UPF2: variants seen among roughly 807,000 people sequenced by gnomAD.
UPF2 encodes regulator of nonsense transcripts 2.
In UPF2, 17 loss-of-function variants were observed where a neutral mutation model predicts 141.4. The observed-to-expected ratio is 0.12, with a 90% CI of 0.08 to 0.18. The LOEUF is 0.18. Ranked by LOEUF, UPF2 falls within the 10% of genes least tolerant of loss-of-function variation. The pLI, the probability that UPF2 is intolerant of heterozygous loss-of-function variation, is 1.00. For missense variants in UPF2, 1,152 were observed against 1,515.9 expected (o/e 0.76, Z 3.99); for synonymous variants, 540 against 498.0 (o/e 1.08, Z -1.12).
intron 3 of UPF2, among the ~76,000 whole-genome samples, chr10:12,028,222 G>C (rs534047986): frequency 1.3e-5 from 2 of 152,210 alleles, no homozygotes; most frequent in South Asian, 4.1e-4. Context: ...CTACAAATGA[G>C]TTTTGTAGTT....
At chr10:11,925,631 T>TGCAGAAATACCATAAGTCATGCA (rs1832702788) in intron 21 of UPF2, among the ~76,000 whole-genome samples, 1 of 152,238 alleles carries the variant, frequency 6.6e-6, no homozygotes, top group African/African-American at 2.4e-5. Context: ...GGACAAGGTC[T>TGCAGAAATACCATAAGTCATGCA]GCAGAAATAC....
In UPF2 at chr10:11,955,456, C is replaced by T; in HGVS notation, c.2626G>A (p.Gly876Arg). The T allele has an allele frequency of 6.2e-7, 1 of 1,614,024 alleles. No individual in the cohort carries two copies. Among genetic ancestry groups the T allele is most frequent in the Non-Finnish European group, 8.5e-7 (1 of 1,179,980 alleles). The change falls in exon 14 of 22, where the codon GGA becomes AGA. Residue 876 changes from glycine (G) to arginine (R), a missense_variant. Coordinates refer to ENST00000357604, the MANE Select transcript of UPF2 (RefSeq NM_015542.4). ...QRRISSAKFL[G>R]ELYNYRMVES... is the part of the protein sequence containing the mutation. ...ACCATTCGGTAATTGTAAAGTTCTC[C>T]TAAGAACTTGGCACTGCTGATGCGC...
intron 9 of UPF2, among the ~76,000 whole-genome samples, chr10:11,969,795 A>C (rs916488374): frequency 6.6e-6 from 1 of 152,224 alleles, no homozygotes; most frequent in African/African-American, 2.4e-5. Context: ...ACTGCCTGTT[A>C]CTTAACCTGT....
intron 9 of UPF2, among the ~76,000 whole-genome samples, chr10:11,969,969 T>C (rs887232977): frequency 1.3e-5 from 2 of 152,226 alleles, no homozygotes; most frequent in African/African-American, 2.4e-5. Flanking sequence ...CTCTAATACA[T>C]GGGCACTAAA....
At chr10:11,978,145 A>T (rs1346657540) in intron 9 of UPF2, among the ~76,000 whole-genome samples, 2 of 152,232 alleles carry the variant, frequency 1.3e-5, no homozygotes, top group Admixed American at 6.5e-5. Flanking sequence ...CCTCAACTAC[A>T]TCGTGAGTTC....
At chr10:11,938,878 T>TG (rs1832899761) in intron 18 of UPF2, among the ~76,000 whole-genome samples, 1 of 116,616 alleles carries the variant, frequency 8.6e-6, no homozygotes, top group Non-Finnish European at 1.7e-5. Context: ...TTTTTTTTTT[T>TG]TTTTGGAGAC....
chr10:12,015,221 A>G (rs905447069), intron 3 of UPF2, among the ~76,000 whole-genome samples: 2 of 152,140 alleles, frequency 1.3e-5, no homozygotes, highest in Non-Finnish European at 2.9e-5. Context: ...ATTTCTTGTT[A>G]TTTGCGTTTT....
rs537902999 is a variant in UPF2, at chr10:11,959,480, C to T, written c.2185-124G>A. ...ATGGGTTAGAAAGGCAAAGAAAGGA[C>T]TGGGCACTGTGGCTCACACCTATAA... On this transcript the variant is annotated intron_variant, in intron 11 of 21. Transcript: ENST00000357604. The surrounding 1 kb of genome is among the most constrained non-coding windows in gnomAD (Gnocchi z 5.9). The T allele has an allele frequency of 9.6e-6, 10 of 1,042,504 alleles. No homozygotes were observed. In the African/African-American group the frequency reaches 1.6e-4, roughly 17 times the overall value. The allele number at this position is 1,042,504 out of a possible 1,614,324, so 64.6% of individuals were successfully genotyped here.
chr10:12,028,534 T>C (rs1834459696), intron 3 of UPF2, among the ~76,000 whole-genome samples: 1 of 152,184 alleles, frequency 6.6e-6, no homozygotes, highest in African/African-American at 2.4e-5. Flanking sequence ...ACTTGGCAGA[T>C]TTTTTTAAAA....
intron 3 of UPF2, among the ~76,000 whole-genome samples, chr10:12,027,816 C>T (rs1351330878): frequency 1.3e-5 from 2 of 152,198 alleles, no homozygotes; most frequent in African/African-American, 2.4e-5. Flanking sequence ...ACTTAAACCA[C>T]TCCTCCCCTA....
intron 21 of UPF2, chr10:11,923,338 A>T (rs1440024134): frequency 6.6e-6 from 1 of 152,214 alleles, no homozygotes; most frequent in Non-Finnish European, 1.5e-5. Context: ...TGAGGTCAGG[A>T]GTTTTGGAGA....
intron 10 of UPF2, among the ~76,000 whole-genome samples, chr10:11,964,332 A>C (rs1229098857): frequency 6.6e-6 from 1 of 152,198 alleles, no homozygotes; most frequent in Non-Finnish European, 1.5e-5. Flanking sequence ...TCACAGAAAG[A>C]TATGTGGAAA....
Position 12,029,119 on chromosome 10 carries a change from A to C in UPF2, c.771T>G (p.Pro257=), listed in dbSNP as rs1298145292. 6.2e-7 allele frequency: 1 copy of C among 1,614,242 alleles called. No homozygotes were observed. Among genetic ancestry groups the C allele is most frequent in the African/African-American group, 1.3e-5 (1 of 75,074 alleles). Reference sequence around the variant, plus strand: ...AATCAGTTCTTAACTTGGTGATGTTAGGTGTTTTCTCCTCTTTCCTTGCTT... The same window carrying C: ...AATCAGTTCTTAACTTGGTGATGTTCGGTGTTTTCTCCTCTTTCCTTGCTT... ...HFEARKEEKT[P]NITKLRTDLR... is the part of the protein sequence containing the mutation. Residue 257 remains proline, a synonymous_variant, in exon 3 of 22, where the codon CCT becomes CCG. Coordinates refer to ENST00000357604, the MANE Select transcript of UPF2 (RefSeq NM_015542.4).
At chr10:11,993,863 C>A (rs73573531) in intron 8 of UPF2, among the ~76,000 whole-genome samples, 332 of 152,112 alleles carry the variant, frequency 2.2e-3, no homozygotes, top group African/African-American at 7.6e-3. Flanking sequence ...GTGGTTCATG[C>A]CTGTGGTCCC....
chr10:11,998,777 C>A lies in UPF2; in HGVS notation c.1759-1020G>T, dbSNP rs535803373. On this transcript the variant is annotated intron_variant, in intron 7 of 21. Transcript: ENST00000357604. This position sits in a 1 kb window ranked among gnomAD's most constrained non-coding sequence, Gnocchi z 4.5. ...GCTGAGGCAGGAGAATGGCGTGAAC[C>A]CGGGAGGCGGAGCTTGCAGTGAGCC... Among the ~76,000 whole-genome samples, 22 of 152,166 alleles carry A rather than the reference C, an allele frequency of 1.4e-4. 1 individual carries two copies. In the East Asian group the frequency reaches 4.1e-3, roughly 28 times the overall value.
At chr10:12,038,707 C>G (rs546058862) in intron 1 of UPF2, among the ~76,000 whole-genome samples, 2 of 151,656 alleles carry the variant, frequency 1.3e-5, no homozygotes, top group Non-Finnish European at 1.5e-5. Context: ...CCAGTCTGGG[C>G]AAAAGACGGA....
At chr10:11,938,360 C>T (rs984396833) in intron 18 of UPF2, among the ~76,000 whole-genome samples, 2 of 151,964 alleles carry the variant, frequency 1.3e-5, no homozygotes, top group Non-Finnish European at 2.9e-5. Flanking sequence ...CACAATGTGA[C>T]ATCTTTGTAT....
intron 11 of UPF2, among the ~76,000 whole-genome samples, chr10:11,963,353 T>C (rs766621253): frequency 5.9e-5 from 9 of 152,182 alleles, no homozygotes; most frequent in Non-Finnish European, 1.2e-4. Flanking sequence ...CATTCATTCA[T>C]TCGAGACAGG....
In UPF2 at chr10:11,954,539, C is replaced by T. The variant is rs181612290; in HGVS notation, c.2850+693G>A. On this transcript the variant is annotated intron_variant, in intron 14 of 21. Coordinates refer to ENST00000357604, the MANE Select transcript of UPF2 (RefSeq NM_015542.4). ...ATCCCAGGTACTCTGGAGGCTGAGG[C>T]AGGAGAATTGCTTGAACCTGAGAGG... Among the ~76,000 whole-genome samples, 191 of 150,844 alleles carry T rather than the reference C, an allele frequency of 1.3e-3. 1 individual carries two copies. Among genetic ancestry groups the T allele is most frequent in the African/African-American group, 4.2e-3 (171 of 41,104 alleles).
Sources: gnomAD v4.1 joint callset for allele counts (sites outside exome capture counted in the v4.1 genomes callset) on GRCh38, gnomAD v4.1.1 for gene constraint, Gnocchi (gnomAD v3.1) non-coding constraint, MANE v1.5 for transcripts, NCBI Gene and HGNC (gene_info 2026-07-23, HGNC 2026-07-21) for gene names.